Variants in DST observed in about 807,000 individuals in gnomAD.
DST encodes dystonin.
DST carries 253 observed loss-of-function variants against 875.2 expected under a neutral mutation model. The ratio of observed to expected loss-of-function variants is 0.29; its 90% CI spans 0.26 to 0.32. The LOEUF is 0.32. Among genes scored for constraint, DST ranks in the 10% least tolerant of loss-of-function variants. The pLI is 1.00. For missense variants in DST, 8,287 were observed against 9,111.6 expected (o/e 0.91, Z 3.68); for synonymous variants, 3,124 against 3,197.1 (o/e 0.98, Z 0.77).
chr6:56,662,360 TA>T (rs1477186289), intron 10 of DST, among the ~76,000 whole-genome samples: 1 of 152,148 alleles, frequency 6.6e-6, no homozygotes, highest in Non-Finnish European at 1.5e-5. Flanking sequence ...ACAACAGTTT[TA>T]AAAGCAAAAA....
Position 56,502,106 on chromosome 6 carries a change from G to A in DST, c.19567-413C>T, listed in dbSNP as rs117832393. Among the ~76,000 whole-genome samples, 21 of 152,170 alleles carry A rather than the reference G, an allele frequency of 1.4e-4. No individual in the cohort carries two copies. In the East Asian group the frequency reaches 3.9e-3, roughly 28 times the overall value. ...AACTCAAATTAGTATTTCCTGCTCT[G>A]AAACACACACACATCTTGTATCCCC... On this transcript the variant is annotated intron_variant, in intron 78 of 103. Coordinates refer to ENST00000680361, the MANE Select transcript of DST (RefSeq NM_001374736.1).
At chr6:56,787,694 G>C (rs996460224) in intron 4 of DST, among the ~76,000 whole-genome samples, 9 of 152,046 alleles carry the variant, frequency 5.9e-5, no homozygotes, top group African/African-American at 2.2e-4. Context: ...CCAAATAAAT[G>C]CCAAACTTTG....
At chr6:56,642,815 T>C (rs754713174) in intron 15 of DST, 1 of 1,613,238 alleles carries the variant, frequency 6.2e-7, no homozygotes, top group Non-Finnish European at 8.5e-7. Flanking sequence ...ATGTTCTTTC[T>C]TTCACCTTTC....
In DST at chr6:56,617,018, T is replaced by G. The variant is rs755587547; in HGVS notation, c.4930-2534A>C. ...CTCGGCCGCTGAGGCAAATGAAATC[T>G]TTTCTTTTGTAGATTCTAGGTAAAG... On this transcript the variant is annotated intron_variant, in intron 36 of 103. Transcript: ENST00000680361. 1.2e-6 allele frequency: 2 copies of G among 1,612,414 alleles called. No homozygotes were observed. Among genetic ancestry groups the G allele is most frequent in the Non-Finnish European group, 1.7e-6 (2 of 1,179,250 alleles).
Position 56,476,352 on chromosome 6 carries a change from G to A in DST, c.21676-15C>T, listed in dbSNP as rs917055206. ...CAGGCCAGCACCTGTCAGAGAAACA[G>A]AAATTTCTCTGAATTTCCTCCAACT... On this transcript the variant is annotated splice_polypyrimidine_tract_variant and intron_variant, in intron 91 of 103. Transcript: ENST00000680361. 4.0e-6 allele frequency: 6 copies of A among 1,516,920 alleles called. No individual in the cohort carries two copies. In the African/African-American group the frequency reaches 7.0e-5, roughly 18 times the overall value. The allele number at this position is 1,516,920 out of a possible 1,614,324, so 94.0% of individuals were successfully genotyped here.
chr6:56,906,611 A>G (rs1276339232), intron 2 of DST, among the ~76,000 whole-genome samples: 2 of 152,164 alleles, frequency 1.3e-5, no homozygotes. Context: ...TGTGAGCCCT[A>G]CAAAAATCAG....
At chr6:56,694,850 G>C (rs1212212587) in intron 9 of DST, among the ~76,000 whole-genome samples, 1 of 152,130 alleles carries the variant, frequency 6.6e-6, no homozygotes, top group African/African-American at 2.4e-5. Flanking sequence ...TTTGAGGCCA[G>C]CAACGGCAGT....
intron 4 of DST, among the ~76,000 whole-genome samples, chr6:56,834,271 C>A (rs916447023): frequency 1.3e-5 from 2 of 151,950 alleles, no homozygotes; most frequent in Admixed American, 6.6e-5. Flanking sequence ...TGAACAGACA[C>A]CTCACGAAAG....
rs535031440 is a variant in DST, at chr6:56,791,463, C to T, written c.626-56174G>A. Among the ~76,000 whole-genome samples the T allele has an allele frequency of 4.3e-3, 650 of 152,062 alleles. 11 individuals carry two copies. The highest frequency in any genetic ancestry group is 4.4e-3 in the Non-Finnish European group (301 of 67,990). ...AACCTACAGTATCAAATTTGAATAG[C>T]GAATATCAGTAATAAATGTATGATT... On this transcript the variant is annotated intron_variant, in intron 4 of 103. Coordinates refer to ENST00000680361, the MANE Select transcript of DST (RefSeq NM_001374736.1).
chr6:56,897,693 T>C (rs1187478894), intron 3 of DST, among the ~76,000 whole-genome samples: 1 of 152,152 alleles, frequency 6.6e-6, no homozygotes, highest in Non-Finnish European at 1.5e-5. Context: ...TCTGTCCATC[T>C]CTTCCTTGCT....
At chr6:56,474,960 CAAAAAAAAAAAAA>C (rs386407168) in intron 92 of DST, among the ~76,000 whole-genome samples, 1 of 31,318 alleles carries the variant, frequency 3.2e-5, no homozygotes. Context: ...CCCTGCCTCT[CAAAAAAAAAAAAA>C]AAAAAAAAAA....
rs1463158012 is a variant in DST, at chr6:56,603,953, C to A, written c.10675G>T (p.Ala3559Ser). The A allele has an allele frequency of 2.5e-6, 4 of 1,611,184 alleles. No individual in the cohort carries two copies. Among genetic ancestry groups the A allele is most frequent in the Admixed American group, 1.7e-5 (1 of 59,592 alleles). ...EIGLESSTVW[A>S]STLPRDEKLK... ...TTCTCATCTCTTGGCAATGTTGATGCCCACACAGTAGAGCTTTCTAGTCCA... is the reference window on the plus strand; with the variant it reads ...TTCTCATCTCTTGGCAATGTTGATGACCACACAGTAGAGCTTTCTAGTCCA... The change falls in exon 40 of 104, where the codon GCA becomes TCA. Residue 3559 changes from alanine to serine, a missense_variant. Physicochemically the swap from Ala to Ser is moderately conservative, Grantham distance 99. Around this residue, in one of 10 missense-constraint regions of DST, gnomAD observed 3,138 missense variants for 3,116.6 expected, o/e 1.01. Transcript: ENST00000680361.
At chr6:56,785,202 G>C (rs2099702646) in intron 4 of DST, among the ~76,000 whole-genome samples, 1 of 152,220 alleles carries the variant, frequency 6.6e-6, no homozygotes, top group Non-Finnish European at 1.5e-5. Flanking sequence ...CCCATTATCA[G>C]ATCTCCAGCT....
At chr6:56,824,166 G>A (rs912009567) in intron 4 of DST, among the ~76,000 whole-genome samples, 2 of 152,146 alleles carry the variant, frequency 1.3e-5, no homozygotes, top group East Asian at 1.9e-4. Context: ...GCGCCGCCAC[G>A]CCTGACTGGT....
At position 56,878,708 on chromosome 6, in the gene DST, C is replaced by T. The variant is rs6906214; in HGVS notation, c.417+21713G>A. Among the ~76,000 whole-genome samples the T allele has an allele frequency of 1.2e-3, 188 of 152,278 alleles. 2 individuals are homozygous for T. The highest frequency in any genetic ancestry group is 3.1e-3 in the African/African-American group (127 of 41,564). On this transcript the variant is annotated intron_variant, in intron 3 of 103. Transcript: ENST00000680361. ...AACTAGGCCCTTGTCCCCTAATCCC[C>T]TCTCTCCTTGGCCAATCCTAGAGCA...
chr6:56,622,237 T>C (rs1328306587), intron 36 of DST, among the ~76,000 whole-genome samples: 1 of 152,142 alleles, frequency 6.6e-6, no homozygotes, highest in Non-Finnish European at 1.5e-5. Context: ...AAAAAATATC[T>C]GTTGTTGAAC....
chr6:56,607,405 C>A lies in DST; in HGVS notation c.7223G>T (p.Ser2408Ile), dbSNP rs1320257385. The change falls in exon 40 of 104, where the codon AGT becomes ATT. Residue 2408 changes from serine (S) to isoleucine (I), a missense_variant. Around this residue, in one of 10 missense-constraint regions of DST, gnomAD observed 3,138 missense variants for 3,116.6 expected, o/e 1.01. Coordinates refer to ENST00000680361, the MANE Select transcript of DST (RefSeq NM_001374736.1). Reference protein sequence around the residue: ...IENPIMKSKMSKFCGVNETEN... With the variant: ...IENPIMKSKMIKFCGVNETEN... ...TGTTTCATTCACACCACAGAATTTA[C>A]TCATTTTTGATTTCATAATAGGATT... The A allele has an allele frequency of 6.2e-7, 1 of 1,612,256 alleles. No individual in the cohort carries two copies. The highest frequency in any genetic ancestry group is 1.1e-5 in the South Asian group (1 of 90,988).
intron 102 of DST, chr6:56,461,252 T>G (rs1443070622): frequency 6.6e-6 from 1 of 152,132 alleles, no homozygotes; most frequent in Non-Finnish European, 1.5e-5. Context: ...TACACTTAAG[T>G]GTAGTATCTA....
chr6:56,941,698 C>G (rs1055581535), intron 2 of DST, among the ~76,000 whole-genome samples: 1 of 152,150 alleles, frequency 6.6e-6, no homozygotes, highest in Non-Finnish European at 1.5e-5. Context: ...CCAGGCTGGT[C>G]TCAAACTCCT....
Sources: gnomAD v4.1 joint callset for allele counts (sites outside exome capture counted in the v4.1 genomes callset) on GRCh38, gnomAD v4.1.1 for gene constraint, gnomAD v4.1.1 regional missense constraint, MANE v1.5 for transcripts, NCBI Gene and HGNC (gene_info 2026-07-23, HGNC 2026-07-21) for gene names.